Variants in NPC1 observed in about 807,000 individuals in gnomAD.
NPC1 encodes NPC intracellular cholesterol transporter 1.
Under a neutral mutation model 140.4 loss-of-function variants are expected in NPC1, and 85 were observed. That is an observed-to-expected ratio of 0.61 (90% CI 0.51 to 0.72). The LOEUF is 0.72. NPC1 is among the 30% of genes least tolerant of loss of function. NPC1 has a pLI of 0.00. For missense variants in NPC1, 1,504 were observed against 1,623.8 expected, an observed-to-expected ratio of 0.93 and a Z score of 1.27; for synonymous variants, 656 against 624.8, an observed-to-expected ratio of 1.05 and a Z score of -0.74.
At chr18:23,566,583 AAAAAT>A in intron 4 of NPC1, among the ~76,000 whole-genome samples, 2 of 63,182 alleles carry the variant, frequency 3.2e-5, no homozygotes, top group African/African-American at 2.9e-4. Context: ...GTCTCTTCCA[AAAAAT>A]AAAATACTTA....
downstream of NPC1, chr18:23,529,305 T>C (rs1652375): frequency 0.68 from 1,098,007 of 1,604,614 alleles, 381,045 homozygotes; most frequent in East Asian, 0.94. Context: ...GAAGGTGGGC[T>C]GCAGCTTTCC....
At chr18:23,540,105 G>A (rs2058692313) in intron 17 of NPC1, 104 bp from the exon 18 acceptor site, 11 of 977,700 alleles carry the variant, frequency 1.1e-5, no homozygotes, top group Non-Finnish European at 1.7e-5. Flanking sequence ...GTTCCTGGCT[G>A]AGATGCCTCC....
intron 3 of NPC1, among the ~76,000 whole-genome samples, chr18:23,515,275 CT>C (rs2057969767): frequency 6.6e-6 from 1 of 152,196 alleles, no homozygotes; most frequent in African/African-American, 2.4e-5. Flanking sequence ...GCTATAATTG[CT>C]TTGTTAAGGG....
chr18:23,520,444 GC>G, downstream of NPC1: 1 of 751,410 alleles, frequency 1.3e-6, no homozygotes, highest in Non-Finnish European at 2.1e-6. Flanking sequence ...GTCTGATTTT[GC>G]CAGGGGCCAT....
Position 23,556,554 on chromosome 18 carries a change from A to G in NPC1, c.1015T>C (p.Phe339Leu). ...ACGCAGAAAGACCCCCAGCGTGTGA[A>G]CAGCCGCCTCAAGCAGCCCTCAAAT... ...AAFEGCLRRL[F>L]TRWGSFCVRN... The change falls in exon 8 of 25, where the codon TTC becomes CTC. Residue 339 changes from phenylalanine (F) to leucine (L), a missense_variant. Physicochemically the swap from Phe to Leu is conservative, Grantham distance 22. Transcript: ENST00000269228. The G allele has an allele frequency of 6.2e-7, 1 of 1,614,168 alleles. No homozygotes were observed. The highest frequency in any genetic ancestry group is 8.5e-7 in the Non-Finnish European group (1 of 1,180,026).
At chr18:23,556,187 A>T in intron 8 of NPC1, 56 bp downstream of exon 8, 1 of 1,505,086 alleles carries the variant, frequency 6.6e-7, no homozygotes, top group Non-Finnish European at 9.2e-7. Flanking sequence ...AACATGTAAA[A>T]GCCAGCAAAC....
intron 10 of NPC1, among the ~76,000 whole-genome samples, chr18:23,550,475 A>ATTTTTTTT (rs1491268509): frequency 7.5e-5 from 4 of 53,500 alleles, no homozygotes; most frequent in Admixed American, 2.2e-4. Context: ...CAGTTCTTAC[A>ATTTTTTTT]TTTCTTTTTT....
downstream of NPC1, among the ~76,000 whole-genome samples, chr18:23,526,992 A>C (rs191519409): frequency 1.9e-4 from 29 of 152,296 alleles, no homozygotes; most frequent in African/African-American, 7.0e-4. Flanking sequence ...TCTGAATGAA[A>C]GTGGGCACAC....
chr18:23,569,048 C>CA (rs771538870), intron 3 of NPC1, 50 bp from the exon 4 acceptor site: 55 of 1,279,864 alleles, frequency 4.3e-5, no homozygotes, highest in Non-Finnish European at 6.0e-5. Context: ...ATAATAGGGC[C>CA]AGCAAGAACG....
At chr18:23,518,410 C>G (rs1332173332), downstream of NPC1, among the ~76,000 whole-genome samples, 7 of 152,016 alleles carry the variant, frequency 4.6e-5, no homozygotes, top group Non-Finnish European at 8.8e-5. Context: ...GGGAAGATCG[C>G]CAAAGCCTAG....
downstream of NPC1, chr18:23,526,595 G>A: frequency 6.2e-7 from 1 of 1,604,046 alleles, no homozygotes; most frequent in African/African-American, 1.3e-5. Context: ...TTTTGTTACG[G>A]TTTGCATCAT....
At chr18:23,580,372 C>T (rs2059342993) in intron 1 of NPC1, among the ~76,000 whole-genome samples, 1 of 152,182 alleles carries the variant, frequency 6.6e-6, no homozygotes, top group South Asian at 2.1e-4. Context: ...TTGGAGAATG[C>T]ACTGGAGATG....
At chr18:23,519,858 A>C (rs1294881499), downstream of NPC1, among the ~76,000 whole-genome samples, 1 of 152,092 alleles carries the variant, frequency 6.6e-6, no homozygotes, top group Non-Finnish European at 1.5e-5. Context: ...TGATATAAAG[A>C]AGCTGCTTAC....
intron 4 of NPC1, among the ~76,000 whole-genome samples, chr18:23,567,440 T>A (rs1311951652): frequency 2.0e-5 from 3 of 152,250 alleles, no homozygotes; most frequent in Non-Finnish European, 4.4e-5. Context: ...CCTTCTTTGG[T>A]GAGGTATCTG....
chr18:23,535,018 G>A (rs1014452027), intron 22 of NPC1, among the ~76,000 whole-genome samples: 4 of 152,114 alleles, frequency 2.6e-5, no homozygotes, highest in Admixed American at 2.0e-4. Flanking sequence ...GGCACTGGTC[G>A]GAGAGCTCCT....
At chr18:23,526,779 T>C, downstream of NPC1, 1 of 1,612,932 alleles carries the variant, frequency 6.2e-7, no homozygotes, top group Non-Finnish European at 8.5e-7. Context: ...AGTTGAATCC[T>C]TCCCCCTTGC....
intron 23 of NPC1, chr18:23,533,852 A>T (rs2058581525): frequency 2.6e-6 from 1 of 379,972 alleles, no homozygotes; most frequent in South Asian, 2.2e-5. Flanking sequence ...ATGGGAACTG[A>T]ACCCAGGTAG....
downstream of NPC1, among the ~76,000 whole-genome samples, chr18:23,527,589 C>CTTTTTTTT (rs71163615): frequency 9.2e-6 from 1 of 108,368 alleles, no homozygotes; most frequent in Non-Finnish European, 1.8e-5. Flanking sequence ...CCTGCTATAG[C>CTTTTTTTT]TTTTTTTTTT....
At chr18:23,530,320 TA>T, downstream of NPC1, 5 of 1,614,230 alleles carry the variant, frequency 3.1e-6, no homozygotes, top group South Asian at 5.5e-5. Flanking sequence ...TGTGAGGTTT[TA>T]GACTATGGAA....
Sources: gnomAD v4.1 joint callset for allele counts (sites outside exome capture counted in the v4.1 genomes callset) on GRCh38, gnomAD v4.1.1 for gene constraint, MANE v1.5 for transcripts, NCBI Gene and HGNC (gene_info 2026-07-23, HGNC 2026-07-21) for gene names.